The following VWDE variants were observed in gnomAD, a reference collection of about 807,000 sequenced individuals.
VWDE encodes von Willebrand factor D and EGF domains.
Under a neutral mutation model 178.4 loss-of-function variants are expected in VWDE, and 207 were observed. The observed-to-expected ratio is 1.16, with a 90% CI of 1.04 to 1.30. The LOEUF (loss-of-function observed/expected upper bound fraction) is 1.30. Ranked by LOEUF, VWDE falls within the 50% of genes most tolerant of loss-of-function variation. VWDE has a pLI of 0.00. For synonymous variants in VWDE, 738 were observed against 651.4 expected (o/e 1.13, Z -2.02); for missense variants, 2,287 against 1,901.3 (o/e 1.20, Z -3.77).
intron 19 of VWDE, among the ~76,000 whole-genome samples, chr7:12,349,630 G>A (rs906306743): frequency 1.7e-4 from 25 of 150,074 alleles, no homozygotes; most frequent in African/African-American, 5.9e-4. Context: ...AATATATGAA[G>A]TGGCCAGAAT....
In VWDE at chr7:12,380,514, T is replaced by C. The variant is rs1424651960; in HGVS notation, c.761A>G (p.Asp254Gly). The change falls in exon 5 of 29, where the codon GAT (aspartate) becomes GGT (glycine). Residue 254 changes from aspartate to glycine, a missense_variant. Transcript: ENST00000275358. Reference protein sequence around the residue: ...TVQAFSLLELDGINLRLGDRI... With the variant: ...TVQAFSLLELGGINLRLGDRI... ...GTCTCCAAGTCTGAGATTTATGCCA[T>C]CAAGTTCTAAAAGAGAGAATGCCTG... 6.4e-7 allele frequency: 1 copy of C among 1,551,844 alleles called. No homozygotes were observed. Among genetic ancestry groups the C allele is most frequent in the Non-Finnish European group, 8.7e-7 (1 of 1,147,024 alleles).
At chr7:12,396,368 G>A (rs1362836167) in intron 1 of VWDE, among the ~76,000 whole-genome samples, 1 of 151,980 alleles carries the variant, frequency 6.6e-6, no homozygotes, top group East Asian at 1.9e-4. Context: ...CATAACCCTT[G>A]GTGACAGGTA....
chr7:12,352,255 C>T (rs780176818), intron 18 of VWDE, among the ~76,000 whole-genome samples: 26 of 152,298 alleles, frequency 1.7e-4, no homozygotes, highest in Admixed American at 1.1e-3. Flanking sequence ...CAATTTTGCC[C>T]ATTTGGGTTC....
chr7:12,369,939 T>C lies in VWDE; in HGVS notation c.2367A>G (p.Gln789=), dbSNP rs2128555457. 1 of 1,551,462 alleles carries C rather than the reference T, an allele frequency of 6.4e-7. No homozygotes were observed. Among genetic ancestry groups the C allele is most frequent in the East Asian group, 2.4e-5 (1 of 40,880 alleles). Reference sequence around the variant, plus strand: ...GAGTGGGCCAAGAGGGGAAAAACTCTTGCTGTACATCCTCAGCATGGTCCT... The same window carrying C: ...GAGTGGGCCAAGAGGGGAAAAACTCCTGCTGTACATCCTCAGCATGGTCCT... The part of the protein sequence containing the change: ...FPEDHAEDVQ[Q]EFFPSWPTPS... Residue 789 remains glutamine, a synonymous_variant, in exon 12 of 29, where the codon CAA becomes CAG. Coordinates refer to ENST00000275358, the MANE Select transcript of VWDE (RefSeq NM_001135924.3).
chr7:12,343,390 C>T (rs1053729472), intron 21 of VWDE, among the ~76,000 whole-genome samples: 9 of 152,242 alleles, frequency 5.9e-5, no homozygotes, highest in Middle Eastern at 6.8e-3. Context: ...ATTAATAAAA[C>T]GTTTTGTTAA....
At chr7:12,364,258 T>C (rs370810911) in intron 13 of VWDE, among the ~76,000 whole-genome samples, 10 of 152,160 alleles carry the variant, frequency 6.6e-5, no homozygotes, top group African/African-American at 2.4e-4. Flanking sequence ...ACTGTATCCA[T>C]TAAAAGGGCC....
chr7:12,341,168 A>AT (rs1402247691), intron 23 of VWDE, among the ~76,000 whole-genome samples: 2 of 150,478 alleles, frequency 1.3e-5, no homozygotes, highest in East Asian at 3.9e-4. Context: ...GTCACTAACA[A>AT]TATGCGACTT....
chr7:12,344,865 T>C (rs1275430131), intron 19 of VWDE, among the ~76,000 whole-genome samples: 1 of 152,060 alleles, frequency 6.6e-6, no homozygotes, highest in East Asian at 1.9e-4. Flanking sequence ...TTCATGCAAA[T>C]AAGCAAATAT....
chr7:12,342,209 T>A (rs1398975147), intron 22 of VWDE, 55 bp from the exon 23 acceptor site: 27 of 1,424,650 alleles, frequency 1.9e-5, no homozygotes, highest in Non-Finnish European at 2.6e-5. Flanking sequence ...AGTCATATTG[T>A]TGGTTATTAT....
At chr7:12,377,212 C>G (rs938323325) in intron 7 of VWDE, among the ~76,000 whole-genome samples, 1 of 152,060 alleles carries the variant, frequency 6.6e-6, no homozygotes, top group Non-Finnish European at 1.5e-5. Context: ...TTCACTCTAT[C>G]CATTGACACA....
intron 27 of VWDE, among the ~76,000 whole-genome samples, chr7:12,333,945 G>T (rs1424288776): frequency 6.6e-6 from 1 of 151,936 alleles, no homozygotes; most frequent in Non-Finnish European, 1.5e-5. Context: ...AAATTTAAAA[G>T]AGACAACCCA....
intron 28 of VWDE, 126 bp downstream of exon 28, chr7:12,333,339 A>G: frequency 1.6e-6 from 1 of 634,350 alleles, no homozygotes; most frequent in Non-Finnish European, 2.6e-6. Flanking sequence ...TTAATTTTAG[A>G]GGCAAATAAA....
At chr7:12,352,646 T>C (rs1332038586) in intron 18 of VWDE, among the ~76,000 whole-genome samples, 2 of 152,138 alleles carry the variant, frequency 1.3e-5, no homozygotes, top group African/African-American at 2.4e-5. Flanking sequence ...CAGGAGTAAA[T>C]GTGAGAAGCA....
intron 1 of VWDE, among the ~76,000 whole-genome samples, chr7:12,396,807 T>C (rs1305396571): frequency 6.6e-6 from 1 of 151,464 alleles, no homozygotes; most frequent in Non-Finnish European, 1.5e-5. Context: ...TTGTGGTGCA[T>C]GCCTGTAATC....
At position 12,369,609 on chromosome 7, in the gene VWDE, C is replaced by T; in HGVS notation, c.2697G>A (p.Gln899=). Reference sequence around the variant, plus strand: ...AACACGCACACCCCCATTCCATGCACTGCCCATTGCCGCTGCATAAATTGG... The same window carrying T: ...AACACGCACACCCCCATTCCATGCATTGCCCATTGCCGCTGCATAAATTGG... ...KCPNLCSGNG[Q]CMEWGCACSP... Residue 899 remains glutamine (Q), a synonymous_variant, in exon 12 of 29, where the codon CAG becomes CAA. Transcript: ENST00000275358. 6.4e-7 allele frequency: 1 copy of T among 1,551,350 alleles called. No individual in the cohort carries two copies. Among genetic ancestry groups the T allele is most frequent in the African/African-American group, 1.4e-5 (1 of 73,126 alleles).
rs745571567 is a variant in VWDE at position 12,383,586 on chromosome 7, C to T, written c.491G>A (p.Arg164Gln). ...GYCAEAISDARLHPCGSDETE... is the reference protein window; with the variant it reads ...GYCAEAISDAQLHPCGSDETE... ...TTCATCAGAACCACATGGGTGTAAT[C>T]GTGCATCAGAAATAGCTGCCAAGGG... is the stretch of plus-strand genomic sequence containing the variant. Residue 164 changes from arginine (R) to glutamine (Q), a missense_variant, in exon 4 of 29, where the codon CGA (arginine) becomes CAA (glutamine). Transcript: ENST00000275358. 49 of 1,550,310 alleles carry T rather than the reference C, an allele frequency of 3.2e-5. No homozygotes were observed. The highest frequency in any genetic ancestry group is 3.8e-5 in the Non-Finnish European group (43 of 1,145,936).
Position 12,383,531 on chromosome 7 carries a change from C to A in VWDE, c.541+5G>T, listed in dbSNP as rs762355562. 5.2e-6 allele frequency: 8 copies of A among 1,549,470 alleles called. No individual in the cohort carries two copies. Among genetic ancestry groups the A allele is most frequent in the African/African-American group, 2.7e-5 (2 of 72,958 alleles). On this transcript the variant is annotated splice_donor_5th_base_variant and intron_variant, in intron 4 of 28. Transcript: ENST00000275358. ...ACTATTAAAAAAGCAAAATATGATA[C>A]TTACGAACACAATCACCTCCTGTTT...
At chr7:12,339,206 T>C (rs1781196532) in intron 24 of VWDE, among the ~76,000 whole-genome samples, 1 of 152,186 alleles carries the variant, frequency 6.6e-6, no homozygotes, top group South Asian at 2.1e-4. Context: ...TAGATAATTT[T>C]TAATTCAGTT....
At chr7:12,356,691 G>A (rs976850180) in intron 17 of VWDE, among the ~76,000 whole-genome samples, 6 of 152,248 alleles carry the variant, frequency 3.9e-5, no homozygotes, top group East Asian at 1.9e-4. Context: ...ATGATCTCCC[G>A]AATTACTGGG....
Sources: allele counts gnomAD v4.1 joint callset (sites outside exome capture counted in the v4.1 genomes callset), GRCh38; gene constraint gnomAD v4.1.1; transcripts MANE v1.5; gene names NCBI Gene and HGNC (gene_info 2026-07-23, HGNC 2026-07-21).